Variants in PDGFC observed in about 807,000 individuals in gnomAD.
The protein encoded by PDGFC is platelet-derived growth factor C.
Under a neutral mutation model 35.5 loss-of-function variants are expected in PDGFC, and 12 were observed. That is an observed-to-expected ratio of 0.34 (90% CI 0.22 to 0.55). The LOEUF is 0.55. Ranked by LOEUF, PDGFC falls within the 20% of genes least tolerant of loss-of-function variation. PDGFC has a pLI of 0.91. For missense variants in PDGFC, 322 were observed against 412.4 expected, an observed-to-expected ratio of 0.78 and a Z score of 1.90; for synonymous variants, 159 against 148.8, an observed-to-expected ratio of 1.07 and a Z score of -0.50.
intron 1 of PDGFC, among the ~76,000 whole-genome samples, chr4:156,947,167 G>A (rs1031010581): frequency 7.2e-5 from 11 of 151,906 alleles, no homozygotes; most frequent in Admixed American, 5.9e-4. Context: ...GACTAAAAGG[G>A]GTAAAAGCAG....
chr4:156,861,708 GA>G (rs1309138921), intron 1 of PDGFC, among the ~76,000 whole-genome samples: 15 of 151,750 alleles, frequency 9.9e-5, no homozygotes, highest in Admixed American at 9.9e-4. Flanking sequence ...GGCTGGCATA[GA>G]AAAAAATAAA....
chr4:156,864,406 A>G (rs2111122565), intron 1 of PDGFC, among the ~76,000 whole-genome samples: 1 of 152,316 alleles, frequency 6.6e-6, no homozygotes, highest in South Asian at 2.1e-4. Flanking sequence ...GCAACTTCAA[A>G]AAAGTATCAT....
chr4:156,883,633 T>C (rs1207043981), intron 1 of PDGFC, among the ~76,000 whole-genome samples: 1 of 152,218 alleles, frequency 6.6e-6, no homozygotes, highest in Non-Finnish European at 1.5e-5. Flanking sequence ...GACCATTTAC[T>C]ACTATACATC....
intron 1 of PDGFC, among the ~76,000 whole-genome samples, chr4:156,860,490 C>T (rs990472498): frequency 1.3e-5 from 2 of 152,014 alleles, no homozygotes; most frequent in African/African-American, 4.8e-5. Context: ...ATCCATCTAT[C>T]CCTCTAAAAG....
intron 2 of PDGFC, among the ~76,000 whole-genome samples, chr4:156,828,574 C>G (rs926444537): frequency 6.6e-6 from 1 of 151,772 alleles, no homozygotes; most frequent in Non-Finnish European, 1.5e-5. Context: ...TCTTCAGTGA[C>G]CATTATAAAA....
intron 1 of PDGFC, among the ~76,000 whole-genome samples, chr4:156,865,089 G>A (rs1729806068): frequency 1.3e-5 from 2 of 152,072 alleles, no homozygotes; most frequent in East Asian, 3.9e-4. Context: ...CTTTATCTAT[G>A]AAATGAAGGT....
At chr4:156,881,279 G>A in intron 1 of PDGFC, among the ~76,000 whole-genome samples, 1 of 151,216 alleles carries the variant, frequency 6.6e-6, no homozygotes, top group South Asian at 2.1e-4. Context: ...GCAATAAAGT[G>A]TTTTTTTTTA....
intron 3 of PDGFC, 89 bp downstream of exon 3, chr4:156,810,748 T>C: frequency 1.2e-6 from 1 of 848,910 alleles, no homozygotes; most frequent in Admixed American, 2.7e-5. Context: ...TTCTGATTTT[T>C]TTTCTGATTC....
chr4:156,877,257 C>A (rs76286460), intron 1 of PDGFC, among the ~76,000 whole-genome samples: 2 of 149,824 alleles, frequency 1.3e-5, no homozygotes, highest in South Asian at 2.1e-4. Flanking sequence ...CTCAGTGTTA[C>A]GGAAATAATC....
chr4:156,866,421 T>C (rs901071013), intron 1 of PDGFC, among the ~76,000 whole-genome samples: 2 of 152,184 alleles, frequency 1.3e-5, no homozygotes, highest in African/African-American at 4.8e-5. Context: ...GTTGTATTTT[T>C]TAGTTCCTAA....
At chr4:156,889,286 T>C (rs1294613804) in intron 1 of PDGFC, among the ~76,000 whole-genome samples, 8 of 152,204 alleles carry the variant, frequency 5.3e-5, no homozygotes, top group Admixed American at 2.0e-4. Flanking sequence ...TCCCTGAACA[T>C]TATACCTTTC....
chr4:156,813,803 G>T (rs1732006082), intron 2 of PDGFC, among the ~76,000 whole-genome samples: 1 of 152,070 alleles, frequency 6.6e-6, no homozygotes, highest in Non-Finnish European at 1.5e-5. Context: ...TTAAAAAATG[G>T]AATTTCATAG....
chr4:156,833,208 T>A (rs941002822), intron 2 of PDGFC, among the ~76,000 whole-genome samples: 1 of 152,226 alleles, frequency 6.6e-6, no homozygotes, highest in South Asian at 2.1e-4. Flanking sequence ...TTTAATAAGA[T>A]TTTGTTTCTT....
At chr4:156,885,334 C>T (rs1730350767) in intron 1 of PDGFC, among the ~76,000 whole-genome samples, 1 of 152,136 alleles carries the variant, frequency 6.6e-6, no homozygotes, top group Non-Finnish European at 1.5e-5. Flanking sequence ...CATTGCATTA[C>T]ATCAATGGCC....
At chr4:156,807,899 T>A (rs1731814796) in intron 3 of PDGFC, among the ~76,000 whole-genome samples, 1 of 152,094 alleles carries the variant, frequency 6.6e-6, no homozygotes, top group African/African-American at 2.4e-5. Context: ...TAGATAATGT[T>A]AACTGTATAT....
intron 3 of PDGFC, chr4:156,778,309 C>A: frequency 3.7e-6 from 1 of 267,306 alleles, no homozygotes; most frequent in South Asian, 3.1e-5. Flanking sequence ...TCACACAAAT[C>A]CTGGTGAATG....
At chr4:156,846,944 C>T (rs1003127392) in intron 2 of PDGFC, among the ~76,000 whole-genome samples, 3 of 151,662 alleles carry the variant, frequency 2.0e-5, no homozygotes, top group Non-Finnish European at 4.4e-5. Context: ...TTAGTCCCAA[C>T]GGCTGCAGAC....
intron 1 of PDGFC, among the ~76,000 whole-genome samples, chr4:156,969,359 C>A (rs1321851872): frequency 6.6e-6 from 1 of 152,218 alleles, no homozygotes; most frequent in African/African-American, 2.4e-5. Context: ...CCCTAGGCTG[C>A]CCTTTGATCA....
chr4:156,769,050 A>G (rs956114056), intron 4 of PDGFC, among the ~76,000 whole-genome samples: 5 of 151,870 alleles, frequency 3.3e-5, no homozygotes. Flanking sequence ...AGCAATTCCA[A>G]TGAGATTGAA....
Sources: gnomAD v4.1 joint callset for allele counts (sites outside exome capture counted in the v4.1 genomes callset) on GRCh38, gnomAD v4.1.1 for gene constraint, MANE v1.5 for transcripts, NCBI Gene and HGNC (gene_info 2026-07-23, HGNC 2026-07-21) for gene names.